UIMC1: variants seen among roughly 807,000 people sequenced by gnomAD.
The protein encoded by UIMC1 is BRCA1-A complex subunit RAP80.
A neutral mutation model predicts 84.9 loss-of-function variants in UIMC1; 42 were observed. The ratio of observed to expected loss-of-function variants is 0.49; its 90% CI spans 0.39 to 0.64. UIMC1 has a LOEUF of 0.64. UIMC1 is among the 30% of genes least tolerant of loss of function. The pLI, the probability that UIMC1 is intolerant of heterozygous loss-of-function variation, is 0.00. For missense variants in UIMC1, 825 were observed against 847.6 expected (o/e 0.97, Z 0.33); for synonymous variants, 281 against 293.0 (o/e 0.96, Z 0.42).
chr5:177,021,287 T>C (rs1267212530), intron 1 of UIMC1, among the ~76,000 whole-genome samples: 1 of 151,608 alleles, frequency 6.6e-6, no homozygotes, highest in Non-Finnish European at 1.5e-5. Context: ...AAAAACAATT[T>C]AAAAAAAGAA....
intron 2 of UIMC1, among the ~76,000 whole-genome samples, chr5:176,977,608 A>G (rs1770324751): frequency 1.3e-5 from 2 of 151,342 alleles, no homozygotes; most frequent in Admixed American, 6.6e-5. Context: ...GAAAAGAAAA[A>G]AAAAAACAGA....
At chr5:177,018,558 T>C (rs1311530110) in intron 1 of UIMC1, among the ~76,000 whole-genome samples, 1 of 152,050 alleles carries the variant, frequency 6.6e-6, no homozygotes, top group African/African-American at 2.4e-5. Flanking sequence ...ATGGCAACAA[T>C]ACACAGTAGG....
intron 3 of UIMC1, among the ~76,000 whole-genome samples, chr5:176,973,326 A>G (rs1274079404): frequency 1.3e-5 from 2 of 152,168 alleles, no homozygotes; most frequent in Admixed American, 6.5e-5. Flanking sequence ...CTTTTTATAT[A>G]TAAGATACAG....
chr5:176,916,756 T>C (rs1761027418), intron 10 of UIMC1, among the ~76,000 whole-genome samples: 1 of 152,226 alleles, frequency 6.6e-6, no homozygotes, highest in African/African-American at 2.4e-5. Context: ...ATGGAACCAG[T>C]GACCACTAGC....
intron 9 of UIMC1, 114 bp from the exon 10 acceptor site, chr5:176,943,602 C>A (rs1305881178): frequency 1.5e-6 from 2 of 1,307,290 alleles, no homozygotes; most frequent in Admixed American, 4.4e-5. Flanking sequence ...ACAACAACAG[C>A]TTATCAAATT....
At position 176,905,408 on chromosome 5, in the gene UIMC1, G is replaced by A. The variant is rs147884049; in HGVS notation, c.2034C>T (p.Pro678=). The A allele has an allele frequency of 1.7e-4, 280 of 1,613,958 alleles. No individual in the cohort carries two copies. The highest frequency in any genetic ancestry group is 2.1e-4 in the Non-Finnish European group (244 of 1,179,978). Reference sequence around the variant, plus strand: ...CTGAAATGGAAACAAAAGACTTGACGGGAGATTCATTTAAGTCACGACGTG... The same window carrying A: ...CTGAAATGGAAACAAAAGACTTGACAGGAGATTCATTTAAGTCACGACGTG... The part of the protein sequence containing the change: ...SFTRRDLNES[P]VKSFVSISEA... Residue 678 remains proline (P), a synonymous_variant, in exon 15 of 15, where the codon CCC becomes CCT. Coordinates refer to ENST00000511320, the MANE Select transcript of UIMC1 (RefSeq NM_001199298.2).
intron 1 of UIMC1, among the ~76,000 whole-genome samples, chr5:177,021,505 G>A (rs998208847): frequency 2.0e-5 from 3 of 152,180 alleles, no homozygotes; most frequent in Admixed American, 1.3e-4. Context: ...GGGAGACTGA[G>A]CCATGAAGAT....
intron 9 of UIMC1, among the ~76,000 whole-genome samples, chr5:176,946,388 T>G (rs756238501): frequency 9.9e-5 from 15 of 152,072 alleles, no homozygotes; most frequent in Non-Finnish European, 2.2e-4. Flanking sequence ...GGCACGCACC[T>G]ATAATCCCAG....
chr5:176,989,368 T>C (rs1772478072), intron 1 of UIMC1, among the ~76,000 whole-genome samples: 1 of 152,064 alleles, frequency 6.6e-6, no homozygotes, highest in Admixed American at 6.6e-5. Flanking sequence ...ATTACAAAGA[T>C]GAAAAAATTA....
chr5:176,934,156 A>G (rs1176052982), intron 10 of UIMC1, among the ~76,000 whole-genome samples: 2 of 152,160 alleles, frequency 1.3e-5, no homozygotes, highest in East Asian at 1.9e-4. Flanking sequence ...ATCCAGCACA[A>G]TATTTCACTA....
chr5:176,905,311 C>T lies in UIMC1; in HGVS notation c.2131G>A (p.Ala711Thr). ...AATTTTCTCCTTCTTCCTCTGCCAG[C>T]TTTGGTCCGTGTCCGACTACCTGGC... ...VQPGSRTRTKAGRGRRRKF is the reference protein window; with the variant it reads ...VQPGSRTRTKTGRGRRRKF Residue 711 changes from alanine (A) to threonine (T), a missense_variant, in exon 15 of 15, where the codon GCT becomes ACT. Ala to Thr is a moderately conservative substitution (Grantham distance 58, BLOSUM62 0). Coordinates refer to ENST00000511320, the MANE Select transcript of UIMC1 (RefSeq NM_001199298.2). The T allele has an allele frequency of 6.2e-7, 1 of 1,614,076 alleles. No individual in the cohort carries two copies. Among genetic ancestry groups the T allele is most frequent in the Non-Finnish European group, 8.5e-7 (1 of 1,179,956 alleles).
chr5:177,009,013 G>T (rs1775487798), upstream of UIMC1, among the ~76,000 whole-genome samples: 1 of 151,166 alleles, frequency 6.6e-6, no homozygotes, highest in African/African-American at 2.4e-5. This position sits in a 1 kb window ranked among gnomAD's most constrained non-coding sequence, Gnocchi z 4.3. Context: ...TGGTTTTTTG[G>T]TGTTTTTTTT....
intron 1 of UIMC1, among the ~76,000 whole-genome samples, chr5:176,983,602 G>A (rs1038680955): frequency 3.2e-4 from 49 of 152,220 alleles, no homozygotes; most frequent in Non-Finnish European, 6.3e-4. Context: ...CCTCCCAGCC[G>A]CCTGCCTTGG....
intron 1 of UIMC1, among the ~76,000 whole-genome samples, chr5:177,017,244 C>A (rs1331628851): frequency 2.0e-5 from 3 of 152,110 alleles, no homozygotes; most frequent in Non-Finnish European, 4.4e-5. Flanking sequence ...TCTGTGGCCA[C>A]CTCTAATAGT....
intron 1 of UIMC1, among the ~76,000 whole-genome samples, chr5:176,983,023 T>A (rs1337189487): frequency 6.6e-6 from 1 of 151,770 alleles, no homozygotes; most frequent in Non-Finnish European, 1.5e-5. Flanking sequence ...TTGTAGAGAC[T>A]GGGTTTCACC....
intron 1 of UIMC1, among the ~76,000 whole-genome samples, chr5:176,986,064 C>A (rs989280883): frequency 2.0e-5 from 3 of 151,470 alleles, no homozygotes; most frequent in African/African-American, 7.3e-5. Context: ...CCATCCTATG[C>A]AACGTATTTT....
chr5:176,963,875 A>G (rs1473484623), intron 6 of UIMC1, among the ~76,000 whole-genome samples: 1 of 152,014 alleles, frequency 6.6e-6, no homozygotes, highest in East Asian at 1.9e-4. Flanking sequence ...CAATATCCGG[A>G]CTGAAAAATT....
upstream of UIMC1, among the ~76,000 whole-genome samples, chr5:177,011,536 T>C (rs934228506): frequency 3.9e-5 from 6 of 152,064 alleles, no homozygotes; most frequent in Non-Finnish European, 7.3e-5. Flanking sequence ...TGAGCTATGA[T>C]TGAGCCACTG....
intron 2 of UIMC1, among the ~76,000 whole-genome samples, chr5:176,979,753 A>G (rs961726566): frequency 6.6e-6 from 1 of 152,250 alleles, no homozygotes; most frequent in Non-Finnish European, 1.5e-5. Flanking sequence ...CATAACATAT[A>G]TGACGTATGA....
Sources: gnomAD v4.1 joint callset for allele counts (sites outside exome capture counted in the v4.1 genomes callset) on GRCh38, gnomAD v4.1.1 for gene constraint, Gnocchi (gnomAD v3.1) non-coding constraint, MANE v1.5 for transcripts, NCBI Gene and HGNC (gene_info 2026-07-23, HGNC 2026-07-21) for gene names.